The following SPSB4 variants were observed in gnomAD, a reference collection of about 807,000 sequenced individuals.
SPSB4 encodes SPRY domain-containing SOCS box protein 4.
A neutral mutation model predicts 20.9 loss-of-function variants in SPSB4; 21 were observed. That is an observed-to-expected ratio of 1.01 (90% CI 0.71 to 1.45). SPSB4 has a LOEUF of 1.45. Among genes scored for constraint, SPSB4 ranks in the 40% most tolerant of loss-of-function variants. SPSB4 has a pLI of 0.00. For synonymous variants in SPSB4, 207 were observed against 183.8 expected (o/e 1.13, Z -1.02); for missense variants, 399 against 399.2 (o/e 1.00, Z 0.00).
intron 2 of SPSB4, among the ~76,000 whole-genome samples, chr3:141,102,974 G>T (rs1019754141): frequency 3.9e-5 from 6 of 152,130 alleles, no homozygotes; most frequent in Non-Finnish European, 7.3e-5. Flanking sequence ...CCCTAAAAGA[G>T]GATTTCCTGC....
chr3:141,114,701 T>C (rs931690831), intron 2 of SPSB4, among the ~76,000 whole-genome samples: 1 of 152,240 alleles, frequency 6.6e-6, no homozygotes, highest in African/African-American at 2.4e-5. Flanking sequence ...AAACTGCTTT[T>C]GCCACTATCT....
intron 2 of SPSB4, among the ~76,000 whole-genome samples, chr3:141,134,056 CT>C (rs1222303281): frequency 0.12 from 7,662 of 61,860 alleles, 252 homozygotes; most frequent in Admixed American, 0.18. Context: ...TTTCTTTTTT[CT>C]TTTTTTTTTT....
chr3:141,127,239 G>T (rs773430177), intron 2 of SPSB4, among the ~76,000 whole-genome samples: 6 of 152,236 alleles, frequency 3.9e-5, no homozygotes, highest in Non-Finnish European at 7.3e-5. Flanking sequence ...TGAACTGTTG[G>T]CCAGGAAGGC....
At chr3:141,070,301 A>G (rs985518605) in intron 2 of SPSB4, among the ~76,000 whole-genome samples, 2 of 151,940 alleles carry the variant, frequency 1.3e-5, no homozygotes, top group African/African-American at 4.8e-5. Context: ...AACACTTTAC[A>G]ATTTCTTTTT....
chr3:141,135,804 C>A (rs559100441), intron 2 of SPSB4, among the ~76,000 whole-genome samples: 1,799 of 152,042 alleles, frequency 0.012, 33 homozygotes, highest in African/African-American at 0.041. Context: ...AATAAACATA[C>A]GTGTGCATGT....
intron 2 of SPSB4, among the ~76,000 whole-genome samples, chr3:141,127,933 C>A (rs992048998): frequency 2.6e-5 from 4 of 152,244 alleles, no homozygotes; most frequent in African/African-American, 9.6e-5. Flanking sequence ...TAGTCCTTAG[C>A]CCTGCCCCTC....
intron 2 of SPSB4, among the ~76,000 whole-genome samples, chr3:141,129,508 G>T (rs1939102302): frequency 6.6e-6 from 1 of 152,326 alleles, no homozygotes; most frequent in African/African-American, 2.4e-5. Flanking sequence ...CCTGCTTCCT[G>T]TCTTCCTGGA....
At chr3:141,112,388 G>A (rs1346476542) in intron 2 of SPSB4, among the ~76,000 whole-genome samples, 1 of 152,084 alleles carries the variant, frequency 6.6e-6, no homozygotes, top group African/African-American at 2.4e-5. Context: ...GCTCACGCCT[G>A]TAATCCCAGC....
At chr3:141,096,479 T>C (rs1938549396) in intron 2 of SPSB4, among the ~76,000 whole-genome samples, 1 of 152,222 alleles carries the variant, frequency 6.6e-6, no homozygotes, top group Non-Finnish European at 1.5e-5. Flanking sequence ...CTCCCTGTCC[T>C]GCCAGCTGGA....
At chr3:141,145,315 A>C (rs1471042486) in intron 2 of SPSB4, among the ~76,000 whole-genome samples, 1 of 151,936 alleles carries the variant, frequency 6.6e-6, no homozygotes, top group African/African-American at 2.4e-5. Flanking sequence ...TCTGGCCTCA[A>C]GTGAAGGAGA....
intron 2 of SPSB4, among the ~76,000 whole-genome samples, chr3:141,120,177 A>G (rs573793148): frequency 6.6e-6 from 1 of 152,264 alleles, no homozygotes; most frequent in East Asian, 1.9e-4. Flanking sequence ...TTATTTACCT[A>G]TTAGTCATTC....
chr3:141,097,578 A>T (rs1938563258), intron 2 of SPSB4, among the ~76,000 whole-genome samples: 1 of 151,928 alleles, frequency 6.6e-6, no homozygotes, highest in Non-Finnish European at 1.5e-5. Context: ...CATATTCTTG[A>T]TCCTCTCTGA....
chr3:141,060,371 G>C (rs561092773), intron 1 of SPSB4, among the ~76,000 whole-genome samples: 16 of 152,324 alleles, frequency 1.1e-4, no homozygotes, highest in South Asian at 8.3e-4. Context: ...GGGCCACACA[G>C]AGCTGGTTAC....
Position 141,106,448 on chromosome 3 carries a change from C to A in SPSB4, c.694+39650C>A, listed in dbSNP as rs373950848. Among the ~76,000 whole-genome samples, 20 of 152,302 alleles carry A rather than the reference C, an allele frequency of 1.3e-4. 1 individual carries two copies. Among genetic ancestry groups the A allele is most frequent in the African/African-American group, 4.8e-4 (20 of 41,566 alleles). ...TCTTAAGGGCAGTTCTCACCCCATGCCTTTCTCACCAGACCAGAGACCCTC... is the reference window on the plus strand; with the variant it reads ...TCTTAAGGGCAGTTCTCACCCCATGACTTTCTCACCAGACCAGAGACCCTC... On this transcript the variant is annotated intron_variant, in intron 2 of 2. Coordinates refer to ENST00000310546, the MANE Select transcript of SPSB4 (RefSeq NM_080862.3).
chr3:141,069,058 C>T (rs368103294), intron 2 of SPSB4, among the ~76,000 whole-genome samples: 4 of 152,278 alleles, frequency 2.6e-5, no homozygotes, highest in African/African-American at 9.6e-5. Context: ...ATCTAGGAGG[C>T]AAGAGAGGCC....
intron 2 of SPSB4, chr3:141,076,889 C>A (rs535121220): frequency 1.4e-4 from 22 of 152,268 alleles, no homozygotes; most frequent in Non-Finnish European, 2.2e-4. Context: ...CTGAACTCTT[C>A]TGACTTGCTG....
chr3:141,115,115 A>G (rs1938863501), intron 2 of SPSB4: 1 of 152,250 alleles, frequency 6.6e-6, no homozygotes, highest in South Asian at 2.1e-4. Flanking sequence ...GGACACTCAG[A>G]CACTAAATGG....
chr3:141,116,682 G>A (rs1219440146), intron 2 of SPSB4, among the ~76,000 whole-genome samples: 2 of 152,158 alleles, frequency 1.3e-5, no homozygotes, highest in Non-Finnish European at 2.9e-5. Flanking sequence ...GTTGTTATGA[G>A]GATTAAATAC....
intron 2 of SPSB4, among the ~76,000 whole-genome samples, chr3:141,129,336 A>C (rs935637729): frequency 6.6e-6 from 1 of 152,218 alleles, no homozygotes; most frequent in Non-Finnish European, 1.5e-5. Context: ...AGACAGGAAC[A>C]CAACTGTCCC....
Sources: allele counts gnomAD v4.1 joint callset (sites outside exome capture counted in the v4.1 genomes callset), GRCh38; gene constraint gnomAD v4.1.1; transcripts MANE v1.5; gene names NCBI Gene and HGNC (gene_info 2026-07-23, HGNC 2026-07-21).